The following APLP2 variants were observed in gnomAD, a reference collection of about 807,000 sequenced individuals.
The protein encoded by APLP2 is CDEI box-binding protein.
In APLP2, 53 loss-of-function variants were observed where a neutral mutation model predicts 89.9. That is an observed-to-expected ratio of 0.59 (90% confidence interval 0.47 to 0.74). APLP2 has a LOEUF of 0.74. Ranked by LOEUF, APLP2 falls within the 30% of genes least tolerant of loss-of-function variation. The probability of loss-of-function intolerance (pLI) is 0.00; values close to 1 mark genes in which losing one functional copy is unlikely to be tolerated. For synonymous variants in APLP2, 372 were observed against 348.6 expected, an observed-to-expected ratio of 1.07 and a Z score of -0.75; for missense variants, 973 against 975.9, an observed-to-expected ratio of 1.00 and a Z score of 0.04.
chr11:130,091,832 C>T (rs1479115685), intron 1 of APLP2, among the ~76,000 whole-genome samples: 3 of 148,638 alleles, frequency 2.0e-5, no homozygotes, highest in Non-Finnish European at 3.0e-5. Context: ...CCCCCCCCCA[C>T]CTCCCTCCCG....
intron 1 of APLP2, among the ~76,000 whole-genome samples, chr11:130,072,474 C>CTTTTT (rs562054930): frequency 9.1e-6 from 1 of 110,294 alleles, no homozygotes; most frequent in African/African-American, 3.6e-5. Flanking sequence ...GGAATATCGT[C>CTTTTT]TTTTTTTTTT....
intron 12 of APLP2, among the ~76,000 whole-genome samples, chr11:130,134,010 G>A (rs565433074): frequency 1.9e-4 from 29 of 152,318 alleles, no homozygotes; most frequent in African/African-American, 6.7e-4. Flanking sequence ...AAGAGACTAC[G>A]AGTTTCCTGT....
intron 3 of APLP2, among the ~76,000 whole-genome samples, chr11:130,118,827 G>A (rs1949505267): frequency 6.6e-6 from 1 of 152,168 alleles, no homozygotes; most frequent in African/African-American, 2.4e-5. Flanking sequence ...GCTCACTTTC[G>A]CAATCCTGCT....
chr11:130,117,024 A>G (rs1949267234), intron 3 of APLP2, among the ~76,000 whole-genome samples: 2 of 152,146 alleles, frequency 1.3e-5, no homozygotes, highest in African/African-American at 2.4e-5. Context: ...TCAGTTACTC[A>G]GGAGGCTGAA....
At chr11:130,101,857 A>G in intron 1 of APLP2, 2 of 442,192 alleles carry the variant, frequency 4.5e-6, no homozygotes, top group South Asian at 3.2e-5. Flanking sequence ...TTTTTCCACT[A>G]ATGTCCTTTT....
rs555682785 is a variant in APLP2 at position 130,142,261 on chromosome 11, A to G, written c.2154+187A>G. ...CCCCTGCCACAAGGGGCTGTTGCCAACTTTCAACATTAGTTTGGGCCTTGG... is the reference window on the plus strand; with the variant it reads ...CCCCTGCCACAAGGGGCTGTTGCCAGCTTTCAACATTAGTTTGGGCCTTGG... On this transcript the variant is annotated intron_variant, in intron 16 of 16. Coordinates refer to ENST00000338167, the MANE Select transcript of APLP2 (RefSeq NM_001142276.2). 6.1e-4 allele frequency among the ~76,000 whole-genome samples: 93 copies of G among 152,278 alleles called. 2 individuals are homozygous for G. The South Asian group carries it at 0.018, about 30-fold the overall frequency.
intron 1 of APLP2, among the ~76,000 whole-genome samples, chr11:130,091,379 CCT>C (rs1945130926): frequency 6.7e-6 from 1 of 148,160 alleles, no homozygotes; most frequent in African/African-American, 2.6e-5. Flanking sequence ...GACCCCCCTA[CCT>C]CCCTCCCGGA....
chr11:130,084,070 C>T (rs1943698807), intron 1 of APLP2, among the ~76,000 whole-genome samples: 1 of 152,058 alleles, frequency 6.6e-6, no homozygotes, highest in South Asian at 2.1e-4. Flanking sequence ...CACGGTGAAA[C>T]CCTGTCTCTA....
Position 130,097,892 on chromosome 11 carries a change from T to C in APLP2, c.106-11537T>C, listed in dbSNP as rs538933438. ...TTTAATAACAAAAGGTAGAAGATAATGTTAGAATTCAGGACAGTTATTCTT... is the reference window on the plus strand; with the variant it reads ...TTTAATAACAAAAGGTAGAAGATAACGTTAGAATTCAGGACAGTTATTCTT... On this transcript the variant is annotated intron_variant, in intron 1 of 16. Transcript: ENST00000338167. Among the ~76,000 whole-genome samples, 11 of 152,322 alleles carry C rather than the reference T, an allele frequency of 7.2e-5. No individual in the cohort carries two copies. The East Asian group carries it at 2.1e-3, about 29-fold the overall frequency.
intron 1 of APLP2, chr11:130,100,465 A>C (rs1434147482): frequency 1.3e-5 from 2 of 152,052 alleles, no homozygotes; most frequent in Non-Finnish European, 2.9e-5. Context: ...TTTTTACATG[A>C]AAGTATTTTA....
At chr11:130,107,875 C>G (rs184669622) in intron 1 of APLP2, among the ~76,000 whole-genome samples, 1 of 152,072 alleles carries the variant, frequency 6.6e-6, no homozygotes, top group African/African-American at 2.4e-5. Flanking sequence ...AAATACAGAC[C>G]GATGGAACAG....
Position 130,130,130 on chromosome 11 carries a change from T to C in APLP2, c.1548T>C (p.Ala516=). 2 of 1,614,282 alleles carry C rather than the reference T, an allele frequency of 1.2e-6. No individual in the cohort carries two copies. The highest frequency in any genetic ancestry group is 2.2e-5 in the East Asian group (1 of 44,890). ...HTIRHYQHVL[A]VDPEKAAQMK... ...TCCGTCATTACCAGCATGTGTTGGC[T>C]GTTGACCCAGAAAAGGCGGCCCAGA... Residue 516 remains alanine (A), a synonymous_variant, in exon 11 of 17, where the codon GCT becomes GCC. Coordinates refer to ENST00000338167, the MANE Select transcript of APLP2 (RefSeq NM_001142276.2).
Position 130,126,748 on chromosome 11 carries a change from C to T in APLP2, c.1139C>T (p.Thr380Ile). 1.2e-6 allele frequency: 2 copies of T among 1,614,132 alleles called. No individual in the cohort carries two copies. Among genetic ancestry groups the T allele is most frequent in the African/African-American group, 2.7e-5 (2 of 75,028 alleles). ...AATGATGTTGATGTGTATTTCGAGA[C>T]CTCTGCAGATGATAATGAGCATGCT... ...PTNDVDVYFE[T>I]SADDNEHARF... Residue 380 changes from threonine (T) to isoleucine (I), a missense_variant, in exon 8 of 17, where the codon ACC (threonine) becomes ATC (isoleucine). By Grantham distance (89) the Thr-to-Ile change is moderately conservative. Transcript: ENST00000338167.
chr11:130,076,643 C>T (rs1382649480), intron 1 of APLP2, among the ~76,000 whole-genome samples: 1 of 152,062 alleles, frequency 6.6e-6, no homozygotes, highest in Non-Finnish European at 1.5e-5. Context: ...TAAAAGGTTG[C>T]TTAATTGAGC....
intron 3 of APLP2, among the ~76,000 whole-genome samples, chr11:130,112,131 G>T (rs142459708): frequency 1.3e-5 from 2 of 152,254 alleles, no homozygotes; most frequent in African/African-American, 4.8e-5. Context: ...ACTGTGCGCC[G>T]AGGCACCTCG....
intron 1 of APLP2, chr11:130,070,802 G>C: frequency 7.7e-7 from 1 of 1,295,280 alleles, no homozygotes; most frequent in Non-Finnish European, 9.9e-7. Context: ...GCCCGCGAAG[G>C]CGTGTAAACT....
intron 1 of APLP2, among the ~76,000 whole-genome samples, chr11:130,096,798 T>C (rs1015925295): frequency 6.6e-6 from 1 of 152,252 alleles, no homozygotes; most frequent in Non-Finnish European, 1.5e-5. Flanking sequence ...ATATTCCTTT[T>C]ATTCATTCTT....
chr11:130,141,358 CAG>C lies in APLP2; in HGVS notation c.1924-138_1924-137del. 1.5e-6 allele frequency: 1 copy of C among 668,972 alleles called. No individual in the cohort carries two copies. Among genetic ancestry groups the C allele is most frequent in the Non-Finnish European group, 2.7e-6 (1 of 373,962 alleles). 41.4% of individuals were successfully genotyped at this position (668,972 alleles called of 1,614,324 possible). On this transcript the variant is annotated intron_variant, in intron 14 of 16. Coordinates refer to ENST00000338167, the MANE Select transcript of APLP2 (RefSeq NM_001142276.2). This position sits in a 1 kb window ranked among gnomAD's most constrained non-coding sequence, Gnocchi z 4.2. Reference sequence around the variant, plus strand: ...GGGGAGTGGATTTGGAAGGCTGTGACAGAACTGGTTGGTTAATGGGGGTCCCA... The same window carrying C: ...GGGGAGTGGATTTGGAAGGCTGTGACAACTGGTTGGTTAATGGGGGTCCCA...
At chr11:130,085,763 C>T (rs1216796041) in intron 1 of APLP2, among the ~76,000 whole-genome samples, 1 of 152,208 alleles carries the variant, frequency 6.6e-6, no homozygotes, top group Non-Finnish European at 1.5e-5. Flanking sequence ...GATCCCCCAG[C>T]CCCTGGTGAT....
Sources: gnomAD v4.1 joint callset for allele counts (sites outside exome capture counted in the v4.1 genomes callset) on GRCh38, gnomAD v4.1.1 for gene constraint, Gnocchi (gnomAD v3.1) non-coding constraint, MANE v1.5 for transcripts, NCBI Gene and HGNC (gene_info 2026-07-23, HGNC 2026-07-21) for gene names.